Variants in ABTB2 observed in about 807,000 individuals in gnomAD.
The protein encoded by ABTB2 is ankyrin repeat and BTB domain containing 2.
A neutral mutation model predicts 104.1 loss-of-function variants in ABTB2; 56 were observed. The ratio of observed to expected loss-of-function variants is 0.54; its 90% CI spans 0.43 to 0.67. ABTB2 has a LOEUF of 0.67. ABTB2 is among the 30% of genes least tolerant of loss of function. ABTB2 has a pLI of 0.00. For synonymous variants in ABTB2, 606 were observed against 608.2 expected (o/e 1.00, Z 0.05); for missense variants, 1,279 against 1,407.7 (o/e 0.91, Z 1.46).
rs193243103 is a variant in ABTB2, at chr11:34,182,554, C to T, written c.1245-9247G>A. On this transcript the variant is annotated intron_variant, in intron 3 of 16. Transcript: ENST00000435224. ...AAACTCATCTGGTACAGATTAGAGGCACTAGATGAAGCTTGCCCAGATACA... is the reference window on the plus strand; with the variant it reads ...AAACTCATCTGGTACAGATTAGAGGTACTAGATGAAGCTTGCCCAGATACA... 4.1e-5 allele frequency among the ~76,000 whole-genome samples: 6 copies of T among 147,866 alleles called. No individual in the cohort carries two copies. The South Asian group carries it at 1.3e-3, about 32-fold the overall frequency.
chr11:34,295,478 AAGTC>A (rs1854611099), intron 1 of ABTB2, among the ~76,000 whole-genome samples: 1 of 152,186 alleles, frequency 6.6e-6, no homozygotes, highest in South Asian at 2.1e-4. Flanking sequence ...ATGTAAAACA[AAGTC>A]AGTAGTTGAA....
rs1429408287 is a variant in ABTB2 at position 34,154,262 on chromosome 11, C to T, written c.2880+3G>A. On this transcript the variant is annotated splice_donor_region_variant and intron_variant, in intron 16 of 16. Transcript: ENST00000435224. This position sits in a 1 kb window ranked among gnomAD's most constrained non-coding sequence, Gnocchi z 4.9. The stretch of plus-strand genomic sequence containing the variant: ...GTGGCCAGCAGGCATCCTTGGCCCT[C>T]ACCTTGGCATATTTGTAGGTGTTCA... The T allele has an allele frequency of 6.2e-7, 1 of 1,612,770 alleles. No homozygotes were observed. Among genetic ancestry groups the T allele is most frequent in the Admixed American group, 1.7e-5 (1 of 59,980 alleles).
chr11:34,285,326 A>G (rs1270267513), intron 1 of ABTB2, among the ~76,000 whole-genome samples: 1 of 152,204 alleles, frequency 6.6e-6, no homozygotes, highest in African/African-American at 2.4e-5. Flanking sequence ...ATCGATCACT[A>G]TCGGGGGTCC....
intron 1 of ABTB2, among the ~76,000 whole-genome samples, chr11:34,215,436 A>C (rs747962722): frequency 2.5e-4 from 38 of 152,228 alleles, no homozygotes; most frequent in Non-Finnish European, 4.4e-4. Flanking sequence ...TTAACAGAAC[A>C]TGAGTATATT....
In ABTB2 at chr11:34,357,608, G is replaced by T; in HGVS notation, c.-25C>A. 6.7e-7 allele frequency: 1 copy of T among 1,487,142 alleles called. No homozygotes were observed. Among genetic ancestry groups the T allele is most frequent in the South Asian group, 1.3e-5 (1 of 77,998 alleles). The allele number at this position is 1,487,142 out of a possible 1,614,324, so 92.1% of individuals were successfully genotyped here. ...TGGGGAGCCTGCCGAGGGCGGCGTC[G>T]CCGAGCGAGGGGCACTCACAACTCC... is the stretch of plus-strand genomic sequence containing the variant. On this transcript the variant is annotated 5_prime_UTR_variant, in exon 1 of 17. Coordinates refer to ENST00000435224, the MANE Select transcript of ABTB2 (RefSeq NM_145804.3).
At chr11:34,236,492 G>A (rs1409275458) in intron 1 of ABTB2, among the ~76,000 whole-genome samples, 1 of 152,160 alleles carries the variant, frequency 6.6e-6, no homozygotes, top group East Asian at 1.9e-4. Flanking sequence ...AGGACTCTGT[G>A]CCGCCAGTTT....
intron 4 of ABTB2, 47 bp downstream of exon 4, chr11:34,173,108 G>A: frequency 6.2e-7 from 1 of 1,611,292 alleles, no homozygotes; most frequent in Non-Finnish European, 8.5e-7. Flanking sequence ...GGAGCCGCTG[G>A]GGGCAGGTCA....
intron 1 of ABTB2, among the ~76,000 whole-genome samples, chr11:34,205,951 A>G (rs1853403285): frequency 6.6e-6 from 1 of 152,200 alleles, no homozygotes; most frequent in Non-Finnish European, 1.5e-5. Context: ...CTGGGGGTCA[A>G]TGCTTGGACC....
chr11:34,172,782 C>A (rs1052217437), intron 4 of ABTB2, among the ~76,000 whole-genome samples: 1 of 152,198 alleles, frequency 6.6e-6, no homozygotes, highest in African/African-American at 2.4e-5. Flanking sequence ...ACAGCACCTG[C>A]ACCCAGGAAG....
intron 1 of ABTB2, among the ~76,000 whole-genome samples, chr11:34,231,730 C>T (rs983619194): frequency 2.0e-5 from 3 of 152,110 alleles, no homozygotes; most frequent in African/African-American, 7.2e-5. Context: ...GCCACCATGC[C>T]CAGCTAATTT....
Position 34,162,630 on chromosome 11 carries a change from A to G in ABTB2, c.2164T>C (p.Tyr722His), listed in dbSNP as rs2133007327. 2 of 1,613,594 alleles carry G rather than the reference A, an allele frequency of 1.2e-6. No homozygotes were observed. Among genetic ancestry groups the G allele is most frequent in the Non-Finnish European group, 1.7e-6 (2 of 1,179,990 alleles). ...ACGTAGCCGTGCTCAGCGCTGTAGT[A>G]CATGGCCTCCTGTAGGGCCTTGGTG... is the stretch of plus-strand genomic sequence containing the variant. Reference protein sequence around the residue: ...TRTKALQEAMYYSAEHGYVDI... With the variant: ...TRTKALQEAMHYSAEHGYVDI... The change falls in exon 10 of 17, where the codon TAC becomes CAC. Residue 722 changes from tyrosine (Y) to histidine (H), a missense_variant. Transcript: ENST00000435224.
intron 1 of ABTB2, among the ~76,000 whole-genome samples, chr11:34,218,594 A>G (rs190124952): frequency 3.2e-4 from 48 of 152,240 alleles, no homozygotes; most frequent in African/African-American, 6.7e-4. Flanking sequence ...TCACGCCTGT[A>G]ATCCCACCAC....
chr11:34,177,665 T>C (rs1852973477), intron 3 of ABTB2, among the ~76,000 whole-genome samples: 1 of 152,086 alleles, frequency 6.6e-6, no homozygotes, highest in Admixed American at 6.6e-5. Context: ...CTTTTTTTCT[T>C]TTTTTTAACC....
chr11:34,257,460 T>G (rs538720197), intron 1 of ABTB2, among the ~76,000 whole-genome samples: 2 of 152,332 alleles, frequency 1.3e-5, no homozygotes, highest in African/African-American at 4.8e-5. Flanking sequence ...CATCATATAC[T>G]CAGATGAATC....
chr11:34,294,867 C>T (rs1286786541), intron 1 of ABTB2, among the ~76,000 whole-genome samples: 4 of 152,024 alleles, frequency 2.6e-5, no homozygotes. Context: ...GGTGCCCAAA[C>T]CATGCCCGGC....
In ABTB2 at chr11:34,356,881, T is replaced by A; in HGVS notation, c.703A>T (p.Met235Leu). 6.2e-7 allele frequency: 1 copy of A among 1,605,238 alleles called. No homozygotes were observed. The highest frequency in any genetic ancestry group is 8.5e-7 in the Non-Finnish European group (1 of 1,175,786). The change falls in exon 1 of 17, where the codon ATG becomes TTG. Residue 235 changes from methionine (M) to leucine (L), a missense_variant. Transcript: ENST00000435224. The surrounding 1 kb of genome is among the most constrained non-coding windows in gnomAD (Gnocchi z 4.6). ...CGGATCTCCTCCACCAGGTTCTCCA[T>A]GCAGGCGGTGAGGGAGATGGCTGCG... ...EYAAISLTAC[M>L]ENLVEEIRAR...
chr11:34,276,420 A>G (rs1028607210), intron 1 of ABTB2, among the ~76,000 whole-genome samples: 3 of 152,198 alleles, frequency 2.0e-5, no homozygotes, highest in Admixed American at 1.3e-4. Context: ...TAATCCAGTT[A>G]CTACTCTTAA....
chr11:34,335,573 G>C, intron 1 of ABTB2: 1 of 1,488,304 alleles, frequency 6.7e-7, no homozygotes, highest in South Asian at 1.1e-5. Context: ...ACTCCACTCT[G>C]GCACTTTCAA....
At chr11:34,231,576 G>A (rs538170415) in intron 1 of ABTB2, among the ~76,000 whole-genome samples, 50 of 152,184 alleles carry the variant, frequency 3.3e-4, no homozygotes, top group African/African-American at 1.1e-3. Flanking sequence ...TCTTATTCTT[G>A]TTTTTTTCTC....
Sources: allele counts gnomAD v4.1 joint callset (sites outside exome capture counted in the v4.1 genomes callset), GRCh38; gene constraint gnomAD v4.1.1; non-coding constraint Gnocchi (gnomAD v3.1); transcripts MANE v1.5; gene names NCBI Gene and HGNC (gene_info 2026-07-23, HGNC 2026-07-21).